The following ATXN7 variants were observed in gnomAD, a reference collection of about 807,000 sequenced individuals.
ATXN7 encodes the protein ataxin-7.
A neutral mutation model predicts 70.5 loss-of-function variants in ATXN7; 12 were observed. The observed-to-expected ratio is 0.17, with a 90% CI of 0.11 to 0.28. The LOEUF is 0.28. ATXN7 is among the 10% of genes least tolerant of loss of function. The pLI is 1.00. For synonymous variants in ATXN7, 498 were observed against 448.7 expected (o/e 1.11, Z -1.39); for missense variants, 1,256 against 1,131.7 (o/e 1.11, Z -1.58).
chr3:63,996,413 A>G lies in ATXN7; in HGVS notation c.2591A>G (p.Asn864Ser), dbSNP rs377714188. ...GTTGCCAAAGTGCCAGCCGTGAACA[A>G]TGTCCACATGAAACACACAGGCACC... ...TKVAKVPAVN[N>S]VHMKHTGTIP... The change falls in exon 12 of 13, where the codon AAT (asparagine) becomes AGT (serine). Residue 864 changes from asparagine to serine, a missense_variant. Transcript: ENST00000674280. 2.8e-5 allele frequency: 45 copies of G among 1,614,050 alleles called. No individual in the cohort carries two copies. The highest frequency in any genetic ancestry group is 3.5e-5 in the Non-Finnish European group (41 of 1,180,046).
At chr3:63,898,370 A>G (rs141393914) in intron 1 of ATXN7, 29 bp from the exon 2 acceptor site, 72 of 152,312 alleles carry the variant, frequency 4.7e-4, no homozygotes, top group African/African-American at 1.6e-3. Flanking sequence ...CCACTGTTTC[A>G]TCCATTTGCC....
rs1575852752 is a variant in ATXN7 at position 63,890,725 on chromosome 3, C to G, written c.-110-7674C>G. 2.0e-5 allele frequency among the ~76,000 whole-genome samples: 3 copies of G among 152,266 alleles called. No homozygotes were observed. The South Asian group carries it at 6.2e-4, about 32-fold the overall frequency. On this transcript the variant is annotated intron_variant, in intron 1 of 12. Transcript: ENST00000674280. ...AGTAAGAATACTTTATAAGAGTAGG[C>G]TAACTGCTATAATGACCCAAAACCC...
chr3:63,912,699 A>AGCAGCAGCC lies in ATXN7; in HGVS notation c.109_110insCGCAGCAGC (p.Gln36_Gln37insProGlnGln). 1.7e-6 allele frequency: 2 copies of AGCAGCAGCC among 1,173,352 alleles called. No individual in the cohort carries two copies. Among genetic ancestry groups the AGCAGCAGCC allele is most frequent in the Non-Finnish European group, 2.1e-6 (2 of 943,248 alleles). 72.7% of individuals were successfully genotyped at this position (1,173,352 alleles called of 1,614,324 possible). On this transcript the variant is annotated inframe_insertion, in exon 3 of 13. Transcript: ENST00000674280. ...GCGGCCGCCCGGCAGCAGCAGCAGCAGCAGCAGCAGCAGCAGCCGCCGCCT... is the reference window on the plus strand; with the variant it reads ...GCGGCCGCCCGGCAGCAGCAGCAGCAGCAGCAGCCGCAGCAGCAGCAGCAGCCGCCGCCT...
At chr3:63,945,789 A>G (rs2074849469) in intron 4 of ATXN7, among the ~76,000 whole-genome samples, 1 of 152,178 alleles carries the variant, frequency 6.6e-6, no homozygotes, top group African/African-American at 2.4e-5. Flanking sequence ...CTACCTAGCC[A>G]AGTCTCTGGG....
At chr3:63,960,181 A>G (rs1302429812) in intron 5 of ATXN7, among the ~76,000 whole-genome samples, 1 of 152,234 alleles carries the variant, frequency 6.6e-6, no homozygotes, top group African/African-American at 2.4e-5. Flanking sequence ...GTAGAGGACA[A>G]GTGCTTCACA....
chr3:63,933,955 A>G (rs773343026), intron 4 of ATXN7, among the ~76,000 whole-genome samples: 4 of 150,426 alleles, frequency 2.7e-5, no homozygotes, highest in Non-Finnish European at 5.9e-5. Flanking sequence ...ATGGTTATTT[A>G]TTTTAAGATA....
At chr3:63,917,204 G>A (rs566643048) in intron 4 of ATXN7, among the ~76,000 whole-genome samples, 2 of 152,278 alleles carry the variant, frequency 1.3e-5, no homozygotes, top group African/African-American at 4.8e-5. Flanking sequence ...ACAGGTATGA[G>A]CCACTGCACC....
At chr3:63,931,221 G>C (rs1253775618) in intron 4 of ATXN7, among the ~76,000 whole-genome samples, 2 of 152,138 alleles carry the variant, frequency 1.3e-5, no homozygotes, top group African/African-American at 2.4e-5. Context: ...TTATAGGCGT[G>C]AGCCACCACA....
chr3:63,931,198 CAA>C (rs1704942984), intron 4 of ATXN7, among the ~76,000 whole-genome samples: 1 of 152,082 alleles, frequency 6.6e-6, no homozygotes, highest in African/African-American at 2.4e-5. Context: ...CTCGGTGTCC[CAA>C]AGTGCTGGGA....
rs1704401851 is a variant in ATXN7, at chr3:63,919,061, T to C, written c.394+5836T>C. ...AGAAAGACCCTCCTGTAGCAGGGAC[T>C]TTTCCCCAGTTGCAGCGTGTGGGCC... On this transcript the variant is annotated intron_variant, in intron 4 of 12. Transcript: ENST00000674280. Among the ~76,000 whole-genome samples, 7 of 152,234 alleles carry C rather than the reference T, an allele frequency of 4.6e-5. No homozygotes were observed. The South Asian group carries it at 1.5e-3, about 32-fold the overall frequency.
intron 4 of ATXN7, among the ~76,000 whole-genome samples, chr3:63,931,187 C>T (rs1240798445): frequency 1.3e-5 from 2 of 152,080 alleles, no homozygotes; most frequent in African/African-American, 4.8e-5. Context: ...ATTCCTCCTG[C>T]CTCGGTGTCC....
chr3:63,878,079 G>A (rs1348601388), intron 1 of ATXN7, among the ~76,000 whole-genome samples: 3 of 152,202 alleles, frequency 2.0e-5, no homozygotes, highest in Non-Finnish European at 2.9e-5. Context: ...AGGAAGGATG[G>A]CAGGCAGGTG....
chr3:63,966,806 G>A (rs919712292), intron 5 of ATXN7, among the ~76,000 whole-genome samples: 8 of 152,152 alleles, frequency 5.3e-5, no homozygotes, highest in Non-Finnish European at 1.5e-5. Flanking sequence ...CAAATATTCT[G>A]TATGGGGTGA....
At chr3:63,944,159 C>A (rs2074817339) in intron 4 of ATXN7, among the ~76,000 whole-genome samples, 1 of 152,132 alleles carries the variant, frequency 6.6e-6, no homozygotes, top group African/African-American at 2.4e-5. Context: ...TATAGTTGTT[C>A]CCCCGTATCT....
intron 5 of ATXN7, among the ~76,000 whole-genome samples, chr3:63,961,751 A>AAT (rs1021706500): frequency 6.6e-6 from 1 of 152,040 alleles, no homozygotes; most frequent in Non-Finnish European, 1.5e-5. Context: ...ATTATTATTT[A>AAT]ATATATATAT....
intron 4 of ATXN7, among the ~76,000 whole-genome samples, chr3:63,945,210 TA>T (rs1167807138): frequency 6.6e-6 from 1 of 152,242 alleles, no homozygotes; most frequent in East Asian, 1.9e-4. Flanking sequence ...CTGTTAACTG[TA>T]TTTTAGACAC....
At chr3:63,870,821 C>T (rs189100773) in intron 1 of ATXN7, among the ~76,000 whole-genome samples, 23 of 152,270 alleles carry the variant, frequency 1.5e-4, no homozygotes, top group East Asian at 1.2e-3. Context: ...TCCCTTTCTG[C>T]ATGATATGTT....
intron 5 of ATXN7, among the ~76,000 whole-genome samples, chr3:63,961,887 T>G (rs1375490213): frequency 6.6e-6 from 1 of 152,170 alleles, no homozygotes; most frequent in Non-Finnish European, 1.5e-5. Flanking sequence ...CATATTTTAT[T>G]TATATTTTCT....
intron 1 of ATXN7, among the ~76,000 whole-genome samples, chr3:63,892,168 G>C (rs757398182): frequency 2.2e-4 from 33 of 152,156 alleles, no homozygotes; most frequent in Non-Finnish European, 4.1e-4. Context: ...ACGCGTGCTA[G>C]CTGTTCATTT....
Sources: allele counts gnomAD v4.1 joint callset (sites outside exome capture counted in the v4.1 genomes callset), GRCh38; gene constraint gnomAD v4.1.1; transcripts MANE v1.5; gene names NCBI Gene and HGNC (gene_info 2026-07-23, HGNC 2026-07-21).